Variants in ACOXL observed in about 807,000 individuals in gnomAD.
ACOXL encodes the protein acyl-coenzyme A oxidase-like protein.
In ACOXL, 70 loss-of-function variants were observed where a neutral mutation model predicts 71.9. That is an observed-to-expected ratio of 0.97 (90% confidence interval 0.80 to 1.19). ACOXL has a LOEUF of 1.19. Among genes scored for constraint, ACOXL ranks in the 50% most tolerant of loss-of-function variants. The pLI, the probability that ACOXL is intolerant of heterozygous loss-of-function variation, is 0.00. For missense variants in ACOXL, 703 were observed against 736.3 expected (o/e 0.95, Z 0.52); for synonymous variants, 253 against 281.6 (o/e 0.90, Z 1.02).
At chr2:110,836,671 A>C (rs924016926) in intron 9 of ACOXL, among the ~76,000 whole-genome samples, 1 of 152,246 alleles carries the variant, frequency 6.6e-6, no homozygotes, top group African/African-American at 2.4e-5. Context: ...ACCATACAGA[A>C]GAAAAACAAA....
chr2:111,061,255 C>CTT (rs1438931484), intron 16 of ACOXL, among the ~76,000 whole-genome samples: 1 of 152,054 alleles, frequency 6.6e-6, no homozygotes, highest in Admixed American at 6.6e-5. Context: ...CAAAGAAAGT[C>CTT]TTAAAAGCAA....
chr2:110,779,041 T>C (rs962111623), intron 2 of ACOXL, among the ~76,000 whole-genome samples: 8 of 152,228 alleles, frequency 5.3e-5, no homozygotes, highest in Non-Finnish European at 8.8e-5. Flanking sequence ...AAGCATGTGC[T>C]GCCAGGGGAA....
intron 12 of ACOXL, among the ~76,000 whole-genome samples, chr2:110,937,091 A>C (rs1360325988): frequency 6.6e-6 from 1 of 152,162 alleles, no homozygotes; most frequent in African/African-American, 2.4e-5. Context: ...ATTTTTATAG[A>C]GGCTTCATCG....
chr2:111,082,178 A>G (rs958198937), intron 16 of ACOXL, among the ~76,000 whole-genome samples: 4 of 152,234 alleles, frequency 2.6e-5, no homozygotes, highest in African/African-American at 7.2e-5. Flanking sequence ...ATGGGATCCA[A>G]TTAAACTAAA....
intron 10 of ACOXL, among the ~76,000 whole-genome samples, chr2:110,867,883 C>G (rs1307130970): frequency 6.6e-6 from 1 of 152,296 alleles, no homozygotes; most frequent in South Asian, 2.1e-4. Context: ...CTACCTCAGC[C>G]TCCCGAGTAG....
chr2:111,107,350 T>C (rs2069615911), intron 17 of ACOXL, among the ~76,000 whole-genome samples: 1 of 152,260 alleles, frequency 6.6e-6, no homozygotes, highest in Non-Finnish European at 1.5e-5. Flanking sequence ...CAGAATCTTC[T>C]AAGATTTGTT....
chr2:110,846,651 A>G (rs1423983227), intron 10 of ACOXL, among the ~76,000 whole-genome samples: 8 of 151,606 alleles, frequency 5.3e-5, no homozygotes, highest in South Asian at 2.1e-4. Flanking sequence ...GCACACACAC[A>G]CACACACACA....
chr2:111,042,637 T>C lies in ACOXL; in HGVS notation c.1370-6581T>C, dbSNP rs3789075. Among the ~76,000 whole-genome samples, 144 of 152,244 alleles carry C rather than the reference T, an allele frequency of 9.5e-4. 5 individuals carry two copies. The East Asian group carries it at 0.023, about 24-fold the overall frequency. On this transcript the variant is annotated intron_variant, in intron 15 of 17. Coordinates refer to ENST00000439055, the MANE Select transcript of ACOXL (RefSeq NM_001142807.4). ...AGGCCAAGAAACAATATTGAGAGAATGAGCCTGGAAAAGTGGGCCAGGGTG... is the reference window on the plus strand; with the variant it reads ...AGGCCAAGAAACAATATTGAGAGAACGAGCCTGGAAAAGTGGGCCAGGGTG...
chr2:110,885,190 C>T (rs1261259878), intron 10 of ACOXL, among the ~76,000 whole-genome samples: 1 of 152,110 alleles, frequency 6.6e-6, no homozygotes, highest in African/African-American at 2.4e-5. Context: ...CAGGGATGCT[C>T]ACATCAGTGT....
At chr2:110,811,122 G>A (rs560100235) in intron 9 of ACOXL, among the ~76,000 whole-genome samples, 6 of 152,316 alleles carry the variant, frequency 3.9e-5, no homozygotes, top group Non-Finnish European at 5.9e-5. Context: ...GGGGAACACA[G>A]CCAAAGCGTA....
At position 110,886,671 on chromosome 2, in the gene ACOXL, G is replaced by A. The variant is rs114253056; in HGVS notation, c.789-22118G>A. 1.6e-3 allele frequency: 2,227 copies of A among 1,394,384 alleles called. 30 individuals carry two copies. The African/African-American group carries it at 0.029, about 18-fold the overall frequency. The allele number at this position is 1,394,384 out of a possible 1,614,324, so 86.4% of individuals were successfully genotyped here. Reference sequence around the variant, plus strand: ...TGGGATTACAGGCTTGAGCCACTGCGTCTGTCCCTCCCCTATCCTTCTGAA... The same window carrying A: ...TGGGATTACAGGCTTGAGCCACTGCATCTGTCCCTCCCCTATCCTTCTGAA... On this transcript the variant is annotated intron_variant, in intron 10 of 17. Transcript: ENST00000439055.
chr2:110,745,511 G>A (rs560345390), intron 1 of ACOXL, among the ~76,000 whole-genome samples: 1 of 150,160 alleles, frequency 6.7e-6, no homozygotes, highest in African/African-American at 2.5e-5. Flanking sequence ...GGAAGGGACA[G>A]CAGATGCTTT....
At chr2:110,845,774 T>C (rs1021392393) in intron 10 of ACOXL, among the ~76,000 whole-genome samples, 13 of 152,220 alleles carry the variant, frequency 8.5e-5, no homozygotes, top group African/African-American at 3.1e-4. Context: ...TTCATTCCCT[T>C]CTGTGGGATA....
chr2:110,838,793 C>T (rs191156544), intron 9 of ACOXL, among the ~76,000 whole-genome samples: 39 of 152,324 alleles, frequency 2.6e-4, no homozygotes, highest in Non-Finnish European at 2.4e-4. Context: ...CTGTGAAATA[C>T]CCTGTTCCCA....
chr2:110,888,091 G>T (rs1697521805), intron 10 of ACOXL: 1 of 152,106 alleles, frequency 6.6e-6, no homozygotes, highest in African/African-American at 2.4e-5. Flanking sequence ...TTTTGTAGCT[G>T]GGGCTTCTAT....
chr2:110,947,210 G>A (rs1327855351), intron 12 of ACOXL, among the ~76,000 whole-genome samples: 1 of 152,196 alleles, frequency 6.6e-6, no homozygotes, highest in Non-Finnish European at 1.5e-5. Flanking sequence ...TTTAAGGATT[G>A]GGTGGGGTCA....
chr2:110,913,874 G>C (rs549617011), intron 11 of ACOXL, among the ~76,000 whole-genome samples: 4 of 152,240 alleles, frequency 2.6e-5, no homozygotes, highest in African/African-American at 9.6e-5. Context: ...TGAGAACTCA[G>C]TACAGTGAGG....
At chr2:110,809,950 T>C (rs1443342474) in intron 9 of ACOXL, among the ~76,000 whole-genome samples, 1 of 152,184 alleles carries the variant, frequency 6.6e-6, no homozygotes, top group Non-Finnish European at 1.5e-5. Context: ...CCCAAGCTCT[T>C]CCACAGCTCC....
Position 110,798,733 on chromosome 2 carries a change from C to T in ACOXL, c.460+9C>T. The T allele has an allele frequency of 6.2e-7, 1 of 1,606,060 alleles. No individual in the cohort carries two copies. Among genetic ancestry groups the T allele is most frequent in the South Asian group, 1.1e-5 (1 of 90,906 alleles). ...AGATGGAAGATCTCAAGGTTTGTTA[C>T]CAATACAGACAACTAGAATAATTCT... is the stretch of plus-strand genomic sequence containing the variant. On this transcript the variant is annotated intron_variant, in intron 6 of 17. Coordinates refer to ENST00000439055, the MANE Select transcript of ACOXL (RefSeq NM_001142807.4).
Sources: allele counts gnomAD v4.1 joint callset (sites outside exome capture counted in the v4.1 genomes callset), GRCh38; gene constraint gnomAD v4.1.1; transcripts MANE v1.5; gene names NCBI Gene and HGNC (gene_info 2026-07-23, HGNC 2026-07-21).